GRIK4: variants seen among roughly 807,000 people sequenced by gnomAD.
The protein encoded by GRIK4 is glutamate receptor ionotropic, kainate 4.
GRIK4 carries 40 observed loss-of-function variants against 104.9 expected under a neutral mutation model. That is an observed-to-expected ratio of 0.38 (90% CI 0.30 to 0.50). The LOEUF (loss-of-function observed/expected upper bound fraction) is 0.50, where lower values mean the gene tolerates loss of function less well. Among genes scored for constraint, GRIK4 ranks in the 20% least tolerant of loss-of-function variants. GRIK4 has a pLI of 0.93. For missense variants in GRIK4, 1,047 were observed against 1,308.1 expected, an observed-to-expected ratio of 0.80 and a Z score of 3.08; for synonymous variants, 485 against 524.9, an observed-to-expected ratio of 0.92 and a Z score of 1.04.
intron 19 of GRIK4, among the ~76,000 whole-genome samples, chr11:120,980,122 C>CACTG (rs1944627453): frequency 1.3e-5 from 2 of 152,318 alleles, no homozygotes; most frequent in African/African-American, 4.8e-5. Context: ...AGGCATGCAC[C>CACTG]ACTGCATCCA....
At chr11:120,945,290 C>T (rs919790850) in intron 14 of GRIK4, among the ~76,000 whole-genome samples, 1 of 152,206 alleles carries the variant, frequency 6.6e-6, no homozygotes, top group South Asian at 2.1e-4. Flanking sequence ...GATGGAGCTG[C>T]TTGCCCTCTG....
At position 120,838,591 on chromosome 11, in the gene GRIK4, G is replaced by A. The variant is rs1953638390; in HGVS notation, c.744+1747G>A. ...CTGGTTGAATAATAGTCAAGAAAAC[G>A]ACAGCAGAACCATTGCAAAAATCTG... is the stretch of plus-strand genomic sequence containing the variant. On this transcript the variant is annotated intron_variant, in intron 8 of 20. Transcript: ENST00000527524. Among the ~76,000 whole-genome samples, 5 of 152,140 alleles carry A rather than the reference G, an allele frequency of 3.3e-5. No individual in the cohort carries two copies. In the South Asian group the frequency reaches 8.3e-4, roughly 25 times the overall value.
At chr11:120,834,938 C>T (rs1228722874) in intron 7 of GRIK4, among the ~76,000 whole-genome samples, 1 of 152,322 alleles carries the variant, frequency 6.6e-6, no homozygotes, top group South Asian at 2.1e-4. Flanking sequence ...GGGTCGCATC[C>T]GTCTAGGCAG....
At chr11:120,889,388 C>T (rs1370588373) in intron 11 of GRIK4, among the ~76,000 whole-genome samples, 1 of 151,934 alleles carries the variant, frequency 6.6e-6, no homozygotes, top group Non-Finnish European at 1.5e-5. Flanking sequence ...TGTCACTTTT[C>T]CTGCCCATAT....
chr11:120,883,147 C>T (rs1176762282), intron 11 of GRIK4, among the ~76,000 whole-genome samples: 5 of 152,180 alleles, frequency 3.3e-5, no homozygotes, highest in Non-Finnish European at 2.9e-5. Flanking sequence ...ACGGAGCGAA[C>T]GAGGGACTGG....
chr11:120,522,214 G>A (rs1421717773), intron 1 of GRIK4, among the ~76,000 whole-genome samples: 1 of 152,256 alleles, frequency 6.6e-6, no homozygotes, highest in African/African-American at 2.4e-5. Context: ...AAAGCACCCA[G>A]TGCCTTGCCC....
At chr11:120,843,521 C>T (rs1953773483) in intron 8 of GRIK4, among the ~76,000 whole-genome samples, 1 of 152,230 alleles carries the variant, frequency 6.6e-6, no homozygotes, top group Non-Finnish European at 1.5e-5. Context: ...ATGGCAATAT[C>T]AATAGTTGAT....
At chr11:120,581,255 G>A (rs546084832) in intron 1 of GRIK4, among the ~76,000 whole-genome samples, 3 of 152,168 alleles carry the variant, frequency 2.0e-5, no homozygotes, top group African/African-American at 7.2e-5. Context: ...ACAAGACCAA[G>A]TATACTTATG....
chr11:120,776,859 G>A (rs1211269253), intron 3 of GRIK4, among the ~76,000 whole-genome samples: 3 of 152,224 alleles, frequency 2.0e-5, no homozygotes, highest in Non-Finnish European at 4.4e-5. Flanking sequence ...CCGGCTCTCC[G>A]CAGAGCAAGA....
Position 120,627,425 on chromosome 11 carries a change from A to G in GRIK4, c.-158-26260A>G, listed in dbSNP as rs1182585020. Among the ~76,000 whole-genome samples the G allele has an allele frequency of 2.0e-5, 3 of 152,188 alleles. No homozygotes were observed. In the East Asian group the frequency reaches 5.8e-4, roughly 29 times the overall value. ...TTGCACTGGCCCTGTGAATGTGGGC[A>G]CTTCCCCTCCCCAGAGTCTCTGCGT... On this transcript the variant is annotated intron_variant, in intron 1 of 20. Coordinates refer to ENST00000527524, the MANE Select transcript of GRIK4 (RefSeq NM_014619.5).
chr11:120,776,990 G>T (rs1011048697), intron 3 of GRIK4, among the ~76,000 whole-genome samples: 10 of 152,130 alleles, frequency 6.6e-5, no homozygotes, highest in Non-Finnish European at 8.8e-5. Context: ...CTACGAGGGG[G>T]GTGTGAGTAC....
intron 1 of GRIK4, chr11:120,564,348 G>C (rs1948281057): frequency 6.6e-6 from 1 of 152,164 alleles, no homozygotes; most frequent in Admixed American, 6.5e-5. Context: ...GTGCGCTCGC[G>C]GGGAGGGGGC....
intron 19 of GRIK4, among the ~76,000 whole-genome samples, chr11:120,977,246 C>T (rs1435127242): frequency 1.3e-5 from 2 of 152,094 alleles, no homozygotes; most frequent in Non-Finnish European, 2.9e-5. Context: ...AGGAGAAAGT[C>T]CCAGTTTGTA....
At chr11:120,944,824 A>T (rs1943817920) in intron 14 of GRIK4, among the ~76,000 whole-genome samples, 1 of 152,230 alleles carries the variant, frequency 6.6e-6, no homozygotes, top group Admixed American at 6.5e-5. Context: ...TGTCACATAC[A>T]TCTCACCTTC....
intron 1 of GRIK4, among the ~76,000 whole-genome samples, chr11:120,624,155 A>T (rs544423265): frequency 1.3e-5 from 2 of 152,154 alleles, no homozygotes; most frequent in Admixed American, 6.5e-5. Flanking sequence ...TTAAGTGATT[A>T]AACTGTTATA....
intron 8 of GRIK4, among the ~76,000 whole-genome samples, chr11:120,861,150 C>CT (rs1954254309): frequency 7.4e-6 from 1 of 135,224 alleles, no homozygotes; most frequent in African/African-American, 2.9e-5. Context: ...CTCTTCTTGC[C>CT]CAGGCTGGAG....
intron 1 of GRIK4, among the ~76,000 whole-genome samples, chr11:120,605,999 C>T (rs1236177019): frequency 1.3e-5 from 2 of 152,212 alleles, no homozygotes; most frequent in African/African-American, 4.8e-5. Flanking sequence ...CTCTTTTTCT[C>T]TCTTTCCTCC....
At chr11:120,978,223 G>A (rs1025065875) in intron 19 of GRIK4, among the ~76,000 whole-genome samples, 4 of 152,130 alleles carry the variant, frequency 2.6e-5, no homozygotes, top group Admixed American at 6.5e-5. Flanking sequence ...ACAGTGTAGT[G>A]GGAAATCCAG....
At chr11:120,985,808 G>A (rs2134815593) in intron 20 of GRIK4, 96 bp from the exon 21 acceptor site, 1 of 1,086,202 alleles carries the variant, frequency 9.2e-7, no homozygotes, top group Non-Finnish European at 1.3e-6. Context: ...ACGATTCTGT[G>A]ACCGCTGCCC....
Sources: gnomAD v4.1 joint callset for allele counts (sites outside exome capture counted in the v4.1 genomes callset) on GRCh38, gnomAD v4.1.1 for gene constraint, MANE v1.5 for transcripts, NCBI Gene and HGNC (gene_info 2026-07-23, HGNC 2026-07-21) for gene names.